NSMF: variants seen among roughly 807,000 people sequenced by gnomAD.
NSMF encodes the protein nasal embryonic LHRH factor.
A neutral mutation model predicts 71.0 loss-of-function variants in NSMF; 31 were observed. That is an observed-to-expected ratio of 0.44 (90% confidence interval 0.33 to 0.59). The LOEUF (loss-of-function observed/expected upper bound fraction) is 0.59, where lower values mean the gene tolerates loss of function less well. NSMF is among the 20% of genes least tolerant of loss of function. The probability of loss-of-function intolerance (pLI) is 0.04; values close to 1 mark genes in which losing one functional copy is unlikely to be tolerated. For synonymous variants in NSMF, 345 were observed against 287.1 expected, an observed-to-expected ratio of 1.20 and a Z score of -2.04; for missense variants, 673 against 740.5, an observed-to-expected ratio of 0.91 and a Z score of 1.06.
chr9:137,459,087 A>AGGC lies in NSMF; in HGVS notation c.13_15dup (p.Ala5dup). On this transcript the variant is annotated inframe_insertion, in exon 1 of 16. Transcript: ENST00000371475. Reference sequence around the variant, plus strand: ...TCGCTCCTCAGCGCCCTCCTCCTGGAGGCGGCGGCGCCCATGGTCGAGGCG... The same window carrying AGGC: ...TCGCTCCTCAGCGCCCTCCTCCTGGAGGCGGCGGCGGCGCCCATGGTCGAGGCG... 1 of 1,209,024 alleles carries AGGC rather than the reference A, an allele frequency of 8.3e-7. No individual in the cohort carries two copies. The highest frequency in any genetic ancestry group is 1.0e-6 in the Non-Finnish European group (1 of 967,104). The allele number at this position is 1,209,024 out of a possible 1,614,324, so 74.9% of individuals were successfully genotyped here.
rs770322403 is a variant in NSMF, at chr9:137,453,218, C to G, written c.923-38G>C. 6.2e-7 allele frequency: 1 copy of G among 1,610,512 alleles called. No homozygotes were observed. Among genetic ancestry groups the G allele is most frequent in the South Asian group, 1.1e-5 (1 of 91,026 alleles). ...AGGGTCACCAGGACAGCAGGCCCGG[C>G]AGCACCTCCTATCCTGGCCATGGCC... On this transcript the variant is annotated intron_variant, in intron 8 of 15. Coordinates refer to ENST00000371475, the MANE Select transcript of NSMF (RefSeq NM_001130969.3). The surrounding 1 kb of genome is among the most constrained non-coding windows in gnomAD (Gnocchi z 4.5).
At chr9:137,456,331 G>C in intron 4 of NSMF, 80 bp downstream of exon 4, 2 of 1,172,510 alleles carry the variant, frequency 1.7e-6, no homozygotes, top group Non-Finnish European at 2.6e-6. Flanking sequence ...TAGGCCCAGA[G>C]ACTGGGAAAA....
chr9:137,452,495 C>T (rs948785726), intron 11 of NSMF, 58 bp downstream of exon 11: 26 of 1,611,306 alleles, frequency 1.6e-5, no homozygotes, highest in Non-Finnish European at 2.2e-5. Context: ...GCACCCCCAC[C>T]TGTGTCTGCC....
chr9:137,455,177 CCCAGG>C, intron 6 of NSMF, 57 bp downstream of exon 6: 1 of 1,571,744 alleles, frequency 6.4e-7, no homozygotes, highest in Non-Finnish European at 8.8e-7. Context: ...GCCGAGGGGG[CCCAGG>C]CCAGGCCAGC....
At chr9:137,456,546 T>A in intron 3 of NSMF, 60 bp from the exon 4 acceptor site, 1 of 1,135,106 alleles carries the variant, frequency 8.8e-7, no homozygotes, top group Non-Finnish European at 1.3e-6. Context: ...AGCCTCTCCC[T>A]CCCTGTTGGG....
chr9:137,459,150 C>T lies in NSMF; in HGVS notation c.-48G>A. On this transcript the variant is annotated 5_prime_UTR_variant, in exon 1 of 16. Coordinates refer to ENST00000371475, the MANE Select transcript of NSMF (RefSeq NM_001130969.3). ...CCGGGCCTCAGAGCGCGCCCCGCGC[C>T]CGCCGCCTCCGCCGGGGTAGCCGCG... The T allele has an allele frequency of 3.5e-6, 4 of 1,146,358 alleles. No homozygotes were observed. Among genetic ancestry groups the T allele is most frequent in the Non-Finnish European group, 4.3e-6 (4 of 931,836 alleles). The allele number at this position is 1,146,358 out of a possible 1,614,324, so 71.0% of individuals were successfully genotyped here.
At position 137,453,813 on chromosome 9, in the gene NSMF, A is replaced by T; in HGVS notation, c.840T>A (p.Ala280=). 2 of 1,590,794 alleles carry T rather than the reference A, an allele frequency of 1.3e-6. No homozygotes were observed. The highest frequency in any genetic ancestry group is 1.7e-6 in the Non-Finnish European group (2 of 1,175,356). Residue 280 remains alanine, a synonymous_variant, in exon 8 of 16, where the codon GCT becomes GCA. Transcript: ENST00000371475. The surrounding 1 kb of genome is among the most constrained non-coding windows in gnomAD (Gnocchi z 4.5). ...GGCTGAAGCTCCGCTCGCGCCGCTC[A>T]GCGAACGCTGCAGAGAGCAAAACCC... ...GSRRVKAQTF[A]ERRERSFSRS...
At position 137,450,163 on chromosome 9, in the gene NSMF, C is replaced by T. The variant is rs1398169810; in HGVS notation, c.1316+13G>A. ...TCCAGCCCTCCCCGCGCCCAGGGCACCCGGCTTCTCACTGAATCATGTCCT... is the reference window on the plus strand; with the variant it reads ...TCCAGCCCTCCCCGCGCCCAGGGCATCCGGCTTCTCACTGAATCATGTCCT... On this transcript the variant is annotated intron_variant, in intron 13 of 15. Coordinates refer to ENST00000371475, the MANE Select transcript of NSMF (RefSeq NM_001130969.3). The T allele has an allele frequency of 6.2e-7, 1 of 1,612,706 alleles. No individual in the cohort carries two copies. The highest frequency in any genetic ancestry group is 2.2e-5 in the East Asian group (1 of 44,882).
chr9:137,458,168 G>A (rs1162938193), intron 2 of NSMF, among the ~76,000 whole-genome samples: 2 of 152,172 alleles, frequency 1.3e-5, no homozygotes, highest in Admixed American at 6.5e-5. Context: ...CCCAGCCTGC[G>A]ATCGCACCGT....
chr9:137,458,036 A>G (rs1276283355), intron 2 of NSMF, 135 bp from the exon 3 acceptor site: 17 of 1,283,078 alleles, frequency 1.3e-5, no homozygotes, highest in Non-Finnish European at 1.8e-5. Context: ...AACCCTAGTC[A>G]CTGGCGTGTT....
At chr9:137,450,082 G>A (rs1389547030) in intron 13 of NSMF, 57 bp from the exon 14 acceptor site, 1 of 1,575,728 alleles carries the variant, frequency 6.3e-7, no homozygotes, top group African/African-American at 1.3e-5. Context: ...ACTCCACAGA[G>A]CGGACCGTGG....
At chr9:137,452,505 C>T (rs759419334) in intron 11 of NSMF, 48 bp downstream of exon 11, 15 of 1,612,260 alleles carry the variant, frequency 9.3e-6, no homozygotes, top group Admixed American at 1.7e-5. Flanking sequence ...CTGTGTCTGC[C>T]CCTCCCAGGC....
rs144617571 is a variant in NSMF at position 137,457,423 on chromosome 9, G to A, written c.612C>T (p.Ser204=). ...GRRKKLERMY[S]VDRVSDDIPI... ...ACCCCTCACCAGACACACGGTCAAC[G>A]CTGTACATCCTCTCCAGCTTCTTGC... is the stretch of plus-strand genomic sequence containing the variant. Residue 204 remains serine, a synonymous_variant, in exon 3 of 16, where the codon AGC becomes AGT. Coordinates refer to ENST00000371475, the MANE Select transcript of NSMF (RefSeq NM_001130969.3). 46 of 1,612,782 alleles carry A rather than the reference G, an allele frequency of 2.9e-5. No homozygotes were observed. Among genetic ancestry groups the A allele is most frequent in the Admixed American group, 1.0e-4 (6 of 60,002 alleles).
intron 9 of NSMF, 96 bp from the exon 10 acceptor site, chr9:137,452,915 G>A (rs1048155547): frequency 1.3e-6 from 2 of 1,553,664 alleles, no homozygotes; most frequent in African/African-American, 2.7e-5. Context: ...CTGCCAGGCA[G>A]CCCAAGGGTA....
intron 4 of NSMF, among the ~76,000 whole-genome samples, chr9:137,455,964 G>A (rs1021513894): frequency 1.3e-5 from 2 of 152,280 alleles, no homozygotes; most frequent in African/African-American, 2.4e-5. Flanking sequence ...TCCCTGGAAG[G>A]AATCCCAGAA....
chr9:137,459,092 G>T lies in NSMF; in HGVS notation c.11C>A (p.Ala4Asp). The change falls in exon 1 of 16, where the codon GCC (alanine) becomes GAC (aspartate). Residue 4 changes from alanine to aspartate, a missense_variant. Ala to Asp is a moderately radical substitution (Grantham distance 126, BLOSUM62 -2). This residue lies in a region of NSMF where 471 missense variants were observed against 459.6 expected (regional missense o/e 1.02). Transcript: ENST00000371475. MGAAASRRRALRSE... is the reference protein window; with the variant it reads MGADASRRRALRSE... The stretch of plus-strand genomic sequence containing the variant: ...CCTCAGCGCCCTCCTCCTGGAGGCG[G>T]CGGCGCCCATGGTCGAGGCGGCGGC... 8.0e-7 allele frequency: 1 copy of T among 1,254,128 alleles called. No individual in the cohort carries two copies. The highest frequency in any genetic ancestry group is 2.8e-5 in the South Asian group (1 of 35,442). The allele number at this position is 1,254,128 out of a possible 1,614,324, so 77.7% of individuals were successfully genotyped here. A position where few individuals can be genotyped will look rare whatever the true frequency, so the allele number is the denominator to read the frequency against.
Position 137,455,275 on chromosome 9 carries a change from C to G in NSMF, c.743G>C (p.Arg248Pro). ...AGACGCGGAATCATTCTCCCGTTTC[C>G]GGCGCTTCCTCTCCGCGTAGCCCCT... is the stretch of plus-strand genomic sequence containing the variant. ...VFRGYAERKR[R>P]KRENDSASVI... is the part of the protein sequence containing the mutation. The change falls in exon 6 of 16, where the codon CGG becomes CCG. Residue 248 changes from arginine to proline, a missense_variant. Coordinates refer to ENST00000371475, the MANE Select transcript of NSMF (RefSeq NM_001130969.3). 1 of 1,612,830 alleles carries G rather than the reference C, an allele frequency of 6.2e-7. No individual in the cohort carries two copies. Among genetic ancestry groups the G allele is most frequent in the Non-Finnish European group, 8.5e-7 (1 of 1,179,928 alleles).
chr9:137,458,921 G>A, intron 1 of NSMF, 111 bp downstream of exon 1: 4 of 867,312 alleles, frequency 4.6e-6, no homozygotes, highest in Non-Finnish European at 6.4e-6. Context: ...GGGCGCCTCA[G>A]TGGCAGAGGC....
rs1445433303 is a variant in NSMF at position 137,453,909 on chromosome 9, G to A, written c.833-89C>T. 4.5e-6 allele frequency: 5 copies of A among 1,118,998 alleles called. No homozygotes were observed. Among genetic ancestry groups the A allele is most frequent in the East Asian group, 2.6e-5 (1 of 38,854 alleles). The allele number at this position is 1,118,998 out of a possible 1,614,324, so 69.3% of individuals were successfully genotyped here. On this transcript the variant is annotated intron_variant, in intron 7 of 15. Coordinates refer to ENST00000371475, the MANE Select transcript of NSMF (RefSeq NM_001130969.3). This position sits in a 1 kb window ranked among gnomAD's most constrained non-coding sequence, Gnocchi z 4.5. Reference sequence around the variant, plus strand: ...AGGCGAGGGGACCACAGGGGCCCTGGGCAGAGGAGGAAGCTAATGTGGGTG... The same window carrying A: ...AGGCGAGGGGACCACAGGGGCCCTGAGCAGAGGAGGAAGCTAATGTGGGTG...
Sources: allele counts gnomAD v4.1 joint callset (sites outside exome capture counted in the v4.1 genomes callset), GRCh38; gene constraint gnomAD v4.1.1; regional missense constraint gnomAD v4.1.1; non-coding constraint Gnocchi (gnomAD v3.1); transcripts MANE v1.5; gene names NCBI Gene and HGNC (gene_info 2026-07-23, HGNC 2026-07-21).